FBXL7: variants seen among roughly 807,000 people sequenced by gnomAD.
FBXL7 encodes the protein F-box/LRR-repeat protein 7.
FBXL7 carries 12 observed loss-of-function variants against 38.3 expected under a neutral mutation model. The ratio of observed to expected loss-of-function variants is 0.31; its 90% CI spans 0.20 to 0.51. The LOEUF (loss-of-function observed/expected upper bound fraction) is 0.51, where lower values mean the gene tolerates loss of function less well. Ranked by LOEUF, FBXL7 falls within the 20% of genes least tolerant of loss-of-function variation. FBXL7 has a pLI of 0.98. For missense variants in FBXL7, 567 were observed against 676.4 expected (o/e 0.84, Z 1.79); for synonymous variants, 297 against 300.9 (o/e 0.99, Z 0.13).
At chr5:15,547,093 T>C (rs2126416415) in intron 1 of FBXL7, among the ~76,000 whole-genome samples, 1 of 152,266 alleles carries the variant, frequency 6.6e-6, no homozygotes, top group Non-Finnish European at 1.5e-5. Context: ...GGAGATGTGA[T>C]TTTTGCAGTT....
At chr5:15,512,878 T>A (rs889879287) in intron 1 of FBXL7, among the ~76,000 whole-genome samples, 2 of 152,216 alleles carry the variant, frequency 1.3e-5, no homozygotes, top group African/African-American at 4.8e-5. Flanking sequence ...GAAACTTCAG[T>A]CAATCATTAA....
intron 2 of FBXL7, among the ~76,000 whole-genome samples, chr5:15,831,494 G>A (rs962193550): frequency 2.6e-5 from 4 of 152,160 alleles, no homozygotes; most frequent in African/African-American, 9.7e-5. Context: ...TGATTCCCGG[G>A]AAAGAGGTGT....
chr5:15,843,754 C>T (rs1738812719), intron 2 of FBXL7, among the ~76,000 whole-genome samples: 1 of 151,650 alleles, frequency 6.6e-6, no homozygotes, highest in Admixed American at 6.6e-5. Flanking sequence ...ATTTAAAACC[C>T]AAGAAGGTGT....
At chr5:15,779,186 C>G (rs1360708250) in intron 2 of FBXL7, among the ~76,000 whole-genome samples, 1 of 151,684 alleles carries the variant, frequency 6.6e-6, no homozygotes, top group Non-Finnish European at 1.5e-5. Context: ...TTACCAGAGG[C>G]TGGGAAGGGA....
At chr5:15,508,405 C>A (rs577095052) in intron 1 of FBXL7, among the ~76,000 whole-genome samples, 3 of 152,240 alleles carry the variant, frequency 2.0e-5, no homozygotes, top group South Asian at 4.2e-4. Context: ...CTTCAGAGTG[C>A]TGAACAAAGA....
intron 2 of FBXL7, among the ~76,000 whole-genome samples, chr5:15,856,953 G>A (rs2126801329): frequency 6.6e-6 from 1 of 152,234 alleles, no homozygotes; most frequent in African/African-American, 2.4e-5. Flanking sequence ...TTATCTTTAT[G>A]TATGTATGCA....
chr5:15,503,945 C>A (rs1242139588), intron 1 of FBXL7, among the ~76,000 whole-genome samples: 2 of 152,212 alleles, frequency 1.3e-5, no homozygotes, highest in African/African-American at 4.8e-5. Flanking sequence ...TTGGAAAATA[C>A]CTTTTCATTA....
intron 2 of FBXL7, among the ~76,000 whole-genome samples, chr5:15,826,829 A>G (rs905582205): frequency 2.6e-5 from 4 of 152,040 alleles, no homozygotes; most frequent in Admixed American, 1.3e-4. Context: ...AAATGAGGAG[A>G]GTCTTGAAAT....
chr5:15,894,998 C>A (rs893245885), intron 2 of FBXL7, among the ~76,000 whole-genome samples: 4 of 152,102 alleles, frequency 2.6e-5, no homozygotes, highest in Non-Finnish European at 5.9e-5. Flanking sequence ...TGTGATGTTT[C>A]AGGTATTGAC....
In FBXL7 at chr5:15,928,411, C is replaced by G. The variant is rs200942785; in HGVS notation, c.649C>G (p.Leu217Val). The change falls in exon 3 of 4, where the codon CTG becomes GTG. Residue 217 changes from leucine to valine, a missense_variant. Leu to Val is a conservative substitution (Grantham distance 32, BLOSUM62 1). Transcript: ENST00000504595. This position sits in a 1 kb window ranked among gnomAD's most constrained non-coding sequence, Gnocchi z 4.0. Reference sequence around the variant, plus strand: ...CCAGTGCTGCCCCGAACTGAGGCGACTGGAAGTCTCAGGCTGTTACAATAT... The same window carrying G: ...CCAGTGCTGCCCCGAACTGAGGCGAGTGGAAGTCTCAGGCTGTTACAATAT... ...IAQCCPELRRLEVSGCYNISN... is the reference protein window; with the variant it reads ...IAQCCPELRRVEVSGCYNISN... 171 of 1,614,074 alleles carry G rather than the reference C, an allele frequency of 1.1e-4. No individual in the cohort carries two copies. The African/African-American group carries it at 2.1e-3, about 20-fold the overall frequency.
intron 1 of FBXL7, among the ~76,000 whole-genome samples, chr5:15,578,526 T>C (rs896270841): frequency 4.6e-5 from 7 of 152,152 alleles, no homozygotes; most frequent in Non-Finnish European, 7.4e-5. Flanking sequence ...CACTAACCCA[T>C]AGATATGGCC....
At chr5:15,931,605 G>C (rs902749186) in intron 3 of FBXL7, among the ~76,000 whole-genome samples, 17 of 152,108 alleles carry the variant, frequency 1.1e-4, no homozygotes, top group African/African-American at 3.9e-4. Context: ...TGCTCCCTAT[G>C]ACCTACAGGA....
chr5:15,925,582 A>G (rs935664856), intron 2 of FBXL7, among the ~76,000 whole-genome samples: 1 of 152,238 alleles, frequency 6.6e-6, no homozygotes, highest in Non-Finnish European at 1.5e-5. Flanking sequence ...CTTTGAGAAG[A>G]TGGTATGAGT....
rs112140356 is a variant in FBXL7, at chr5:15,892,857, C to T, written c.128-35033C>T. On this transcript the variant is annotated intron_variant, in intron 2 of 3. Coordinates refer to ENST00000504595, the MANE Select transcript of FBXL7 (RefSeq NM_012304.5). ...CTTAGGCCGGGCGCGGTGGCTCACGCCTGTAATCCCAGCACTTTGGGAGGC... is the reference window on the plus strand; with the variant it reads ...CTTAGGCCGGGCGCGGTGGCTCACGTCTGTAATCCCAGCACTTTGGGAGGC... Among the ~76,000 whole-genome samples, 724 of 152,310 alleles carry T rather than the reference C, an allele frequency of 4.8e-3. 8 individuals are homozygous for T. The highest frequency in any genetic ancestry group is 0.016 in the African/African-American group (684 of 41,564).
chr5:15,541,422 ATAG>A (rs1173666294), intron 1 of FBXL7, among the ~76,000 whole-genome samples: 1 of 120,666 alleles, frequency 8.3e-6, no homozygotes, highest in Non-Finnish European at 1.7e-5. Context: ...ATATATACAT[ATAG>A]TATATATGTG....
chr5:15,809,551 C>T (rs139364868), intron 2 of FBXL7, among the ~76,000 whole-genome samples: 3 of 152,000 alleles, frequency 2.0e-5, no homozygotes, highest in African/African-American at 7.2e-5. Context: ...AACTATTAGC[C>T]TTTAGTATTA....
At chr5:15,832,711 G>T (rs1738489642) in intron 2 of FBXL7, among the ~76,000 whole-genome samples, 1 of 152,102 alleles carries the variant, frequency 6.6e-6, no homozygotes, top group Non-Finnish European at 1.5e-5. Flanking sequence ...GATCTCAGAG[G>T]GCTTCATTCT....
intron 2 of FBXL7, among the ~76,000 whole-genome samples, chr5:15,772,903 T>G (rs1242992876): frequency 9.9e-6 from 1 of 100,602 alleles, no homozygotes; most frequent in Admixed American, 1.0e-4. Context: ...GAGACTTTGT[T>G]TTTTTTTTTG....
chr5:15,740,545 A>G (rs1735869173), intron 2 of FBXL7, among the ~76,000 whole-genome samples: 1 of 152,212 alleles, frequency 6.6e-6, no homozygotes, highest in South Asian at 2.1e-4. Context: ...CATTTGATGC[A>G]ACTGGCTCCT....
Sources: allele counts gnomAD v4.1 joint callset (sites outside exome capture counted in the v4.1 genomes callset), GRCh38; gene constraint gnomAD v4.1.1; non-coding constraint Gnocchi (gnomAD v3.1); transcripts MANE v1.5; gene names NCBI Gene and HGNC (gene_info 2026-07-23, HGNC 2026-07-21).